The following TMEM273 variants were observed in gnomAD, a reference collection of about 807,000 sequenced individuals.
TMEM273 encodes the protein chromosome 10 open reading frame 128.
A neutral mutation model predicts 17.9 loss-of-function variants in TMEM273; 19 were observed. The observed-to-expected ratio is 1.06, with a 90% CI of 0.74 to 1.55. The LOEUF (loss-of-function observed/expected upper bound fraction) is 1.55. Ranked by LOEUF, TMEM273 falls within the 40% of genes most tolerant of loss-of-function variation. The pLI, the probability that TMEM273 is intolerant of heterozygous loss-of-function variation, is 0.00. For synonymous variants in TMEM273, 66 were observed against 62.0 expected (o/e 1.07, Z -0.31); for missense variants, 194 against 155.6 (o/e 1.25, Z -1.31).
rs561708197 is a variant in TMEM273, at chr10:49,187,224, C to T, written c.43+1070G>A. 1.1e-4 allele frequency among the ~76,000 whole-genome samples: 17 copies of T among 152,288 alleles called. No individual in the cohort carries two copies. The East Asian group carries it at 3.3e-3, about 29-fold the overall frequency. On this transcript the variant is annotated intron_variant, in intron 1 of 6. Transcript: ENST00000374153. ...CGCTGCTTGCTGGTGCCTGACATCC[C>T]TTCACAGTCACTGCCAACGGCCCGT...
At chr10:49,178,152 CT>C (rs1564642339) in intron 1 of TMEM273, 1 of 457,228 alleles carries the variant, frequency 2.2e-6, no homozygotes, top group Non-Finnish European at 4.4e-6. Context: ...CCTCCCAGGG[CT>C]CATCAAGCCC....
intron 1 of TMEM273, among the ~76,000 whole-genome samples, chr10:49,186,918 G>A (rs764672540): frequency 3.9e-5 from 6 of 152,238 alleles, no homozygotes; most frequent in South Asian, 2.1e-4. Context: ...CCAGCACATC[G>A]ACACACTAAA....
At chr10:49,158,323 T>C (rs1845636092) in intron 6 of TMEM273, among the ~76,000 whole-genome samples, 1 of 152,146 alleles carries the variant, frequency 6.6e-6, no homozygotes, top group South Asian at 2.1e-4. Flanking sequence ...TTCTGTGTGT[T>C]GTTTTTATTT....
At chr10:49,163,289 A>ATGTG (rs34654322) in intron 5 of TMEM273, among the ~76,000 whole-genome samples, 8 of 150,472 alleles carry the variant, frequency 5.3e-5, no homozygotes, top group Non-Finnish European at 7.4e-5. Context: ...GAATATGTGC[A>ATGTG]TGTGTGTGTG....
At chr10:49,171,363 G>A (rs1053221142) in intron 1 of TMEM273, among the ~76,000 whole-genome samples, 9 of 152,250 alleles carry the variant, frequency 5.9e-5, no homozygotes, top group Non-Finnish European at 1.0e-4. Context: ...AGAGAGCAGA[G>A]GGCAGAGGGC....
chr10:49,184,272 A>C (rs1451709210), intron 1 of TMEM273, among the ~76,000 whole-genome samples: 4 of 152,258 alleles, frequency 2.6e-5, no homozygotes, highest in Non-Finnish European at 5.9e-5. Flanking sequence ...TTCTTAACAC[A>C]GAAAAACCAA....
chr10:49,162,288 C>T (rs1373365330), intron 5 of TMEM273, among the ~76,000 whole-genome samples: 1 of 152,194 alleles, frequency 6.6e-6, no homozygotes, highest in African/African-American at 2.4e-5. Context: ...TGAATGGCCA[C>T]ATGCACATAC....
In TMEM273 at chr10:49,166,933, C is replaced by T; in HGVS notation, c.174G>A (p.Met58Ile). The T allele has an allele frequency of 3.1e-6, 5 of 1,614,154 alleles. No individual in the cohort carries two copies. The highest frequency in any genetic ancestry group is 4.2e-6 in the Non-Finnish European group (5 of 1,180,022). ...CGTCGTCAAATAAGTGCCTCCTGAT[C>T]ATGCAGATCTTCAGGGCCAGGAAGC... ...SAGFLALKIC[M>I]IRRHLFDDDS... The change falls in exon 3 of 7, where the codon ATG becomes ATA. Residue 58 changes from methionine to isoleucine, a missense_variant. By Grantham distance (10) the Met-to-Ile change is conservative. Coordinates refer to ENST00000374153, the MANE Select transcript of TMEM273 (RefSeq NM_001288740.3).
At chr10:49,179,691 C>T (rs1003738419) in intron 1 of TMEM273, among the ~76,000 whole-genome samples, 2 of 152,174 alleles carry the variant, frequency 1.3e-5, no homozygotes, top group Non-Finnish European at 2.9e-5. Context: ...TCAGGAATAA[C>T]AGGGCAGTGA....
chr10:49,186,068 GGAA>G (rs35480919), intron 1 of TMEM273, among the ~76,000 whole-genome samples: 94 of 67,192 alleles, frequency 1.4e-3, no homozygotes, highest in African/African-American at 4.5e-3. Flanking sequence ...AAGAAGAAGA[GGAA>G]GAAGAAGAAG....
intron 6 of TMEM273, among the ~76,000 whole-genome samples, chr10:49,158,579 C>A (rs1845653465): frequency 6.6e-6 from 1 of 152,184 alleles, no homozygotes; most frequent in African/African-American, 2.4e-5. Flanking sequence ...ACCAGCCCCA[C>A]CAGAAGGTAG....
At chr10:49,174,594 T>C (rs1846822320) in intron 1 of TMEM273, among the ~76,000 whole-genome samples, 1 of 152,126 alleles carries the variant, frequency 6.6e-6, no homozygotes, top group Non-Finnish European at 1.5e-5. Context: ...ACCCCTCCCA[T>C]GCCGCTTGTG....
intron 1 of TMEM273, among the ~76,000 whole-genome samples, chr10:49,181,087 CAAT>C (rs1847313277): frequency 6.6e-6 from 1 of 152,186 alleles, no homozygotes; most frequent in African/African-American, 2.4e-5. Context: ...ATATGCAAAT[CAAT>C]GATGTCTCCA....
chr10:49,178,276 G>A lies in TMEM273; in HGVS notation c.43+10018C>T, dbSNP rs545629971. 6.1e-5 allele frequency: 28 copies of A among 457,284 alleles called. 1 individual carries two copies. Among genetic ancestry groups the A allele is most frequent in the South Asian group, 4.3e-4 (28 of 64,574 alleles). The allele number at this position is 457,284 out of a possible 1,614,324, so 28.3% of individuals were successfully genotyped here. A position where few individuals can be genotyped will look rare whatever the true frequency, so the allele number is the denominator to read the frequency against. On this transcript the variant is annotated intron_variant, in intron 1 of 6. Coordinates refer to ENST00000374153, the MANE Select transcript of TMEM273 (RefSeq NM_001288740.3). ...GAGGCTGTCCTCTCTTCTTAGGATG[G>A]CACGCCACCTGTCCCATTCTTGCAG... is the stretch of plus-strand genomic sequence containing the variant.
intron 1 of TMEM273, among the ~76,000 whole-genome samples, chr10:49,175,283 G>A (rs564738144): frequency 9.9e-5 from 15 of 152,128 alleles, no homozygotes; most frequent in Non-Finnish European, 2.2e-4. Flanking sequence ...AGAGTCCTGT[G>A]GCCACCCTGC....
intron 1 of TMEM273, chr10:49,178,251 G>A (rs1446608752): frequency 4.4e-6 from 2 of 457,252 alleles, no homozygotes; most frequent in Non-Finnish European, 8.8e-6. Context: ...GGCCTCAGCA[G>A]AGGCTGTCCT....
intron 3 of TMEM273, 60 bp from the exon 4 acceptor site, chr10:49,165,856 C>G: frequency 1.9e-6 from 3 of 1,603,696 alleles, no homozygotes; most frequent in Non-Finnish European, 2.6e-6. Flanking sequence ...GCAGAGCATT[C>G]CCTAGAGCTT....
intron 6 of TMEM273, among the ~76,000 whole-genome samples, chr10:49,159,915 T>G (rs1265161445): frequency 1.3e-5 from 2 of 151,774 alleles, no homozygotes; most frequent in African/African-American, 4.8e-5. Flanking sequence ...ACTAGCCAAA[T>G]TTGCAACAAT....
At chr10:49,174,176 G>C (rs563842738) in intron 1 of TMEM273, among the ~76,000 whole-genome samples, 3 of 152,338 alleles carry the variant, frequency 2.0e-5, no homozygotes, top group African/African-American at 7.2e-5. Flanking sequence ...GTGGACCCTG[G>C]GGTCAGAGTG....
Sources: gnomAD v4.1 joint callset for allele counts (sites outside exome capture counted in the v4.1 genomes callset) on GRCh38, gnomAD v4.1.1 for gene constraint, MANE v1.5 for transcripts, NCBI Gene and HGNC (gene_info 2026-07-23, HGNC 2026-07-21) for gene names.